Variants in TIMD4 observed in about 807,000 individuals in gnomAD.
The protein encoded by TIMD4 is T-cell immunoglobulin and mucin domain-containing protein 4.
Under a neutral mutation model 41.2 loss-of-function variants are expected in TIMD4, and 31 were observed. The ratio of observed to expected loss-of-function variants is 0.75; its 90% CI spans 0.57 to 1.01. The LOEUF is 1.01. Ranked by LOEUF, TIMD4 falls within the 50% of genes least tolerant of loss-of-function variation. TIMD4 has a pLI of 0.00. For missense variants in TIMD4, 479 were observed against 472.5 expected (o/e 1.01, Z -0.13); for synonymous variants, 204 against 177.1 (o/e 1.15, Z -1.21).
chr5:156,957,513 A>AAAAAAAAAAG (rs1759993684), intron 1 of TIMD4, among the ~76,000 whole-genome samples: 1 of 31,226 alleles, frequency 3.2e-5, no homozygotes, highest in Admixed American at 4.2e-4. Context: ...AGTCTATCTC[A>AAAAAAAAAAG]AAAAAAAAAA....
At chr5:156,955,060 T>G (rs1759946305) in intron 1 of TIMD4, among the ~76,000 whole-genome samples, 1 of 152,028 alleles carries the variant, frequency 6.6e-6, no homozygotes, top group South Asian at 2.1e-4. Context: ...GTGTTGCTTT[T>G]GTACAGACAG....
intron 5 of TIMD4, among the ~76,000 whole-genome samples, chr5:156,946,149 G>A (rs910051591): frequency 4.6e-5 from 7 of 152,156 alleles, no homozygotes; most frequent in African/African-American, 1.7e-4. Flanking sequence ...AATAGTCCAA[G>A]ATTTAAATGG....
chr5:156,951,901 G>C (rs1260774383), intron 2 of TIMD4, 111 bp from the exon 3 acceptor site: 1 of 1,431,672 alleles, frequency 7.0e-7, no homozygotes, highest in African/African-American at 1.4e-5. Flanking sequence ...TGGTCCACTG[G>C]CCTGGACGAT....
At chr5:156,960,796 T>A (rs747783554) in intron 1 of TIMD4, among the ~76,000 whole-genome samples, 24 of 152,220 alleles carry the variant, frequency 1.6e-4, no homozygotes, top group Non-Finnish European at 2.5e-4. Flanking sequence ...TGGGCTGCCC[T>A]CATGGGGCCT....
intron 6 of TIMD4, among the ~76,000 whole-genome samples, chr5:156,923,867 T>A (rs1759298608): frequency 2.6e-5 from 4 of 151,890 alleles, no homozygotes; most frequent in African/African-American, 9.7e-5. Context: ...AGACAGGGTC[T>A]CTCTCTGTTG....
intron 5 of TIMD4, chr5:156,935,721 T>A (rs561901158): frequency 9.8e-5 from 15 of 152,296 alleles, no homozygotes; most frequent in Middle Eastern, 3.4e-3. Context: ...GCCTCAACCT[T>A]CCACTAGCAA....
At chr5:156,962,436 G>T (rs749629817) in intron 1 of TIMD4, among the ~76,000 whole-genome samples, 12 of 152,034 alleles carry the variant, frequency 7.9e-5, no homozygotes, top group African/African-American at 2.9e-4. Context: ...TTGTAAAACT[G>T]CAAGGGCCAT....
intron 4 of TIMD4, among the ~76,000 whole-genome samples, chr5:156,948,918 C>T (rs945713070): frequency 6.6e-6 from 1 of 152,222 alleles, no homozygotes; most frequent in Non-Finnish European, 1.5e-5. Flanking sequence ...AGATTATTAG[C>T]TCCATTATGG....
At chr5:156,954,381 C>T (rs1258867222) in intron 2 of TIMD4, 34 bp downstream of exon 2, 2 of 1,584,106 alleles carry the variant, frequency 1.3e-6, no homozygotes, top group Non-Finnish European at 1.7e-6. Flanking sequence ...CTGAATCTCT[C>T]CTTCCGCAGG....
At chr5:156,953,895 C>T (rs1581632555) in intron 2 of TIMD4, among the ~76,000 whole-genome samples, 1 of 152,240 alleles carries the variant, frequency 6.6e-6, no homozygotes, top group East Asian at 1.9e-4. Context: ...CACCATATCC[C>T]AGATTTCATC....
chr5:156,958,469 T>C (rs1002507762), intron 1 of TIMD4, among the ~76,000 whole-genome samples: 2 of 152,034 alleles, frequency 1.3e-5, no homozygotes, highest in Admixed American at 1.3e-4. Flanking sequence ...ATTTTACCCA[T>C]TAGACTGGGA....
chr5:156,948,573 T>C, intron 4 of TIMD4, 74 bp from the exon 5 acceptor site: 1 of 939,374 alleles, frequency 1.1e-6, no homozygotes, highest in Non-Finnish European at 1.5e-6. Context: ...TACTCAACTG[T>C]CCCTATACTG....
chr5:156,928,929 C>T (rs559401241), intron 5 of TIMD4, among the ~76,000 whole-genome samples: 34 of 152,166 alleles, frequency 2.2e-4, no homozygotes, highest in Non-Finnish European at 4.1e-4. Context: ...GAAAAGCCAG[C>T]CTGGGTCAGT....
chr5:156,939,856 C>A (rs1211521986), intron 5 of TIMD4, among the ~76,000 whole-genome samples: 3 of 152,188 alleles, frequency 2.0e-5, no homozygotes, highest in African/African-American at 7.2e-5. Context: ...AGACTCCAGC[C>A]TTACTCCCAT....
At chr5:156,934,325 G>A (rs1468924638) in intron 5 of TIMD4, among the ~76,000 whole-genome samples, 1 of 152,180 alleles carries the variant, frequency 6.6e-6, no homozygotes, top group Non-Finnish European at 1.5e-5. Context: ...GCTCACTGCA[G>A]CCTCAACCTC....
intron 4 of TIMD4, among the ~76,000 whole-genome samples, 197 bp downstream of exon 4, chr5:156,949,453 CT>C (rs138233412): frequency 7.4e-5 from 11 of 148,240 alleles, no homozygotes; most frequent in Non-Finnish European, 1.5e-4. Context: ...CCTCCTCCTC[CT>C]TCTCTCTCTC....
intron 6 of TIMD4, 28 bp downstream of exon 6, chr5:156,926,235 T>C (rs755641034): frequency 1.2e-6 from 2 of 1,611,206 alleles, no homozygotes; most frequent in East Asian, 2.2e-5. Context: ...TTAAGTGATA[T>C]ACTGCAAATA....
chr5:156,949,705 A>G lies in TIMD4; in HGVS notation c.706T>C (p.Ser236Pro). 1 of 1,613,510 alleles carries G rather than the reference A, an allele frequency of 6.2e-7. No homozygotes were observed. Residue 236 changes from serine (S) to proline (P), a missense_variant, in exon 4 of 9, where the codon TCC becomes CCC. Ser to Pro is a moderately conservative substitution (Grantham distance 74, BLOSUM62 -1). Transcript: ENST00000274532. ...GAAGTAGACTCAACACTACTCCAGG[A>G]ATCACTGGGGAGGACAGTTTCTGAT... ...AESETVLPSD[S>P]WSSVESTSAD...
At chr5:156,961,808 C>CAA (rs71578911) in intron 1 of TIMD4, among the ~76,000 whole-genome samples, 4,338 of 27,806 alleles carry the variant, frequency 0.16, 1,285 homozygotes, top group Non-Finnish European at 0.23. Context: ...GACTCCGTCT[C>CAA]AAAAAAAAAA....
Sources: gnomAD v4.1 joint callset for allele counts (sites outside exome capture counted in the v4.1 genomes callset) on GRCh38, gnomAD v4.1.1 for gene constraint, MANE v1.5 for transcripts, NCBI Gene and HGNC (gene_info 2026-07-23, HGNC 2026-07-21) for gene names.